The following MRPS6 variants were observed in gnomAD, a reference collection of about 807,000 sequenced individuals.
The protein encoded by MRPS6 is small ribosomal subunit protein bS6m.
A neutral mutation model predicts 13.1 loss-of-function variants in MRPS6; 6 were observed. The ratio of observed to expected loss-of-function variants is 0.46; its 90% confidence interval spans 0.25 to 0.91. The LOEUF (loss-of-function observed/expected upper bound fraction) is 0.91. Among genes scored for constraint, MRPS6 ranks in the 40% least tolerant of loss-of-function variants. MRPS6 has a pLI of 0.18. For synonymous variants in MRPS6, 61 were observed against 56.5 expected (o/e 1.08, Z -0.36); for missense variants, 164 against 155.6 (o/e 1.05, Z -0.29).
At chr21:34,077,386 C>T (rs1215196815) in intron 1 of MRPS6, among the ~76,000 whole-genome samples, 2 of 152,290 alleles carry the variant, frequency 1.3e-5, no homozygotes, top group African/African-American at 2.4e-5. Flanking sequence ...ACGCTAATTA[C>T]GTCTCGTGCC....
At chr21:34,135,481 G>T in intron 2 of MRPS6, 1 of 500,182 alleles carries the variant, frequency 2.0e-6, no homozygotes, top group East Asian at 5.5e-5. Flanking sequence ...CTTCTTGATG[G>T]CAAAGGAGTT....
intron 1 of MRPS6, chr21:34,103,444 A>G (rs1490723634): frequency 1.0e-6 from 1 of 998,376 alleles, no homozygotes; most frequent in African/African-American, 1.7e-5. Context: ...TCCATTAAAA[A>G]CTTAAAGTTA....
At chr21:34,118,775 A>G (rs1433089870) in intron 1 of MRPS6, among the ~76,000 whole-genome samples, 3 of 152,102 alleles carry the variant, frequency 2.0e-5, no homozygotes, top group Non-Finnish European at 4.4e-5. Context: ...TTGGCATCCC[A>G]AAGTGCTGGG....
chr21:34,106,797 C>T (rs1979494788), intron 1 of MRPS6, among the ~76,000 whole-genome samples: 1 of 152,206 alleles, frequency 6.6e-6, no homozygotes, highest in Admixed American at 6.5e-5. Context: ...TCAGATATTC[C>T]TGGGTCCAGT....
chr21:34,101,620 C>G lies in MRPS6; in HGVS notation c.46-23721C>G, dbSNP rs570442138. On this transcript the variant is annotated intron_variant, in intron 1 of 2. Transcript: ENST00000399312. ...TACACCTAGTCTTTTCAGCACTTAG[C>G]AAATTCAAATTTTGATTTTTTTGTC... The G allele has an allele frequency of 4.4e-5, 44 of 1,000,124 alleles. 2 individuals are homozygous for G. In the South Asian group the frequency reaches 2.1e-3, roughly 47 times the overall value. 62.0% of individuals were successfully genotyped at this position (1,000,124 alleles called of 1,614,324 possible). A position where few individuals can be genotyped will look rare whatever the true frequency, so the allele number is the denominator to read the frequency against.
At chr21:34,136,267 C>G (rs1004249004) in intron 2 of MRPS6, among the ~76,000 whole-genome samples, 4 of 152,194 alleles carry the variant, frequency 2.6e-5, no homozygotes, top group African/African-American at 9.7e-5. Context: ...CCTGCTTCAG[C>G]CTCCCAAGTA....
intron 1 of MRPS6, among the ~76,000 whole-genome samples, chr21:34,111,065 A>G (rs1308656765): frequency 2.6e-5 from 4 of 152,198 alleles, no homozygotes; most frequent in Non-Finnish European, 5.9e-5. Context: ...GAGCTGAAAC[A>G]AGGGCGAAAC....
intron 1 of MRPS6, among the ~76,000 whole-genome samples, chr21:34,086,115 C>T (rs993333141): frequency 1.3e-5 from 2 of 152,150 alleles, no homozygotes; most frequent in East Asian, 1.9e-4. Flanking sequence ...TTTACCTTTC[C>T]GGATTTGGCT....
intron 1 of MRPS6, chr21:34,100,012 G>A (rs1408411296): frequency 1.2e-6 from 1 of 817,928 alleles, no homozygotes; most frequent in African/African-American, 1.9e-5. Context: ...CTAGCAAAAT[G>A]TTCATACTTT....
At chr21:34,098,702 CTG>C (rs1979087473) in intron 1 of MRPS6, 1 of 999,470 alleles carries the variant, frequency 1.0e-6, no homozygotes, top group Non-Finnish European at 1.2e-6. Flanking sequence ...TATTACAGGA[CTG>C]TGTAATTATA....
chr21:34,135,507 G>T, intron 2 of MRPS6: 1 of 505,888 alleles, frequency 2.0e-6, no homozygotes, highest in Non-Finnish European at 4.0e-6. Flanking sequence ...AGCCCTTGGT[G>T]GCAGTGATGA....
intron 1 of MRPS6, among the ~76,000 whole-genome samples, chr21:34,073,980 G>A (rs1316677895): frequency 6.8e-6 from 1 of 146,276 alleles, no homozygotes; most frequent in African/African-American, 2.5e-5. Flanking sequence ...GCGCGGTCCG[G>A]GAGGGTGTGC....
At chr21:34,115,870 A>G (rs943156420) in intron 1 of MRPS6, among the ~76,000 whole-genome samples, 3 of 152,048 alleles carry the variant, frequency 2.0e-5, no homozygotes, top group African/African-American at 4.8e-5. Context: ...AGGGAAGACT[A>G]ATACCTTGCA....
chr21:34,078,988 ATGTC>A (rs760278903), intron 1 of MRPS6, among the ~76,000 whole-genome samples: 1 of 152,240 alleles, frequency 6.6e-6, no homozygotes, highest in African/African-American at 2.4e-5. Context: ...AGTCAAATGA[ATGTC>A]TGGTAAGTTA....
intron 1 of MRPS6, chr21:34,098,874 TG>T: frequency 1.0e-6 from 1 of 999,840 alleles, no homozygotes; most frequent in African/African-American, 1.7e-5. Flanking sequence ...AAATTATGTA[TG>T]TACTTTCTTT....
Position 34,133,511 on chromosome 21 carries a change from A to T in MRPS6, c.185+8031A>T, listed in dbSNP as rs141886793. The stretch of plus-strand genomic sequence containing the variant: ...ATGGAAGAAAGCAGTGCTTGCTATG[A>T]ACAATATCATAAGTAAGACCAAGAC... On this transcript the variant is annotated intron_variant, in intron 2 of 2. Transcript: ENST00000399312. 8.4e-3 allele frequency among the ~76,000 whole-genome samples: 1,277 copies of T among 152,316 alleles called. 11 individuals are homozygous for T. Among genetic ancestry groups the T allele is most frequent in the Middle Eastern group, 0.024 (7 of 294 alleles).
Position 34,113,937 on chromosome 21 carries a change from G to A in MRPS6, c.46-11404G>A, listed in dbSNP as rs1021475972. 7.9e-5 allele frequency among the ~76,000 whole-genome samples: 12 copies of A among 152,234 alleles called. No homozygotes were observed. The Middle Eastern group carries it at 0.01, about 129-fold the overall frequency. Reference sequence around the variant, plus strand: ...CCCTGTGAAGAGGTTGAAATATAAGGCGAAGGCAGGGAACTGAATTGTGCA... The same window carrying A: ...CCCTGTGAAGAGGTTGAAATATAAGACGAAGGCAGGGAACTGAATTGTGCA... On this transcript the variant is annotated intron_variant, in intron 1 of 2. Transcript: ENST00000399312.
intron 1 of MRPS6, chr21:34,103,834 T>C (rs1333000493): frequency 7.0e-6 from 7 of 1,000,004 alleles, no homozygotes; most frequent in African/African-American, 1.7e-5. Context: ...GCCAAAATTA[T>C]ATTTGGGGGT....
At chr21:34,102,612 C>G (rs1979296017) in intron 1 of MRPS6, 1 of 1,000,156 alleles carries the variant, frequency 1.0e-6, no homozygotes, top group African/African-American at 1.7e-5. Context: ...AATAACTGTA[C>G]TTTATGTAAT....
Sources: gnomAD v4.1 joint callset for allele counts (sites outside exome capture counted in the v4.1 genomes callset) on GRCh38, gnomAD v4.1.1 for gene constraint, MANE v1.5 for transcripts, NCBI Gene and HGNC (gene_info 2026-07-23, HGNC 2026-07-21) for gene names.